Variants in MCC observed in about 807,000 individuals in gnomAD.
MCC encodes colorectal mutant cancer protein.
MCC carries 90 observed loss-of-function variants against 116.2 expected under a neutral mutation model. That is an observed-to-expected ratio of 0.77 (90% confidence interval 0.65 to 0.92). The LOEUF (loss-of-function observed/expected upper bound fraction) is 0.92. Ranked by LOEUF, MCC falls within the 40% of genes least tolerant of loss-of-function variation. MCC has a pLI of 0.00. For synonymous variants in MCC, 578 were observed against 510.5 expected, an observed-to-expected ratio of 1.13 and a Z score of -1.78; for missense variants, 1,516 against 1,312.2, an observed-to-expected ratio of 1.16 and a Z score of -2.40.
chr5:113,308,738 G>T (rs1043698615), intron 3 of MCC, among the ~76,000 whole-genome samples: 2 of 151,970 alleles, frequency 1.3e-5, no homozygotes, highest in African/African-American at 2.4e-5. Flanking sequence ...TTGAGTCCAA[G>T]GCCACCTTGA....
Position 113,101,845 on chromosome 5 carries a change from T to C in MCC, c.1292A>G (p.Glu431Gly), listed in dbSNP as rs1342164468. The C allele has an allele frequency of 6.2e-7, 1 of 1,613,698 alleles. No individual in the cohort carries two copies. Among genetic ancestry groups the C allele is most frequent in the Non-Finnish European group, 8.5e-7 (1 of 1,180,016 alleles). The change falls in exon 8 of 19, where the codon GAG (glutamate) becomes GGG (glycine). Residue 431 changes from glutamate (E) to glycine (G), a missense_variant. Glu to Gly is a moderately conservative substitution (Grantham distance 98, BLOSUM62 -2). Transcript: ENST00000408903. ...CAGCATGGCAGTCAGGCTCTCATTCTCTTCCCTCAGCCCAGCCAGCTCCTT... is the reference window on the plus strand; with the variant it reads ...CAGCATGGCAGTCAGGCTCTCATTCCCTTCCCTCAGCCCAGCCAGCTCCTT... ...WEKELAGLREENESLTAMLCS... is the reference protein window; with the variant it reads ...WEKELAGLREGNESLTAMLCS...
intron 3 of MCC, 23 bp from the exon 4 acceptor site, chr5:113,151,445 A>G (rs201217028): frequency 7.8e-7 from 1 of 1,283,760 alleles, no homozygotes; most frequent in East Asian, 2.3e-5. Context: ...AAAGGAGGAG[A>G]TTAGAGTATT....
chr5:113,415,972 G>T (rs1770132773), intron 1 of MCC, among the ~76,000 whole-genome samples: 1 of 152,138 alleles, frequency 6.6e-6, no homozygotes, highest in South Asian at 2.1e-4. Context: ...TGTCCTTTTT[G>T]TTGATGTTGA....
intron 16 of MCC, among the ~76,000 whole-genome samples, chr5:113,044,856 G>GCTGGTGATCACC (rs1751966247): frequency 6.6e-6 from 1 of 152,190 alleles, no homozygotes; most frequent in Non-Finnish European, 1.5e-5. Context: ...TCACAGGCGT[G>GCTGGTGATCACC]AGCCACCGCA....
At chr5:113,479,169 T>C (rs1325488434) in intron 1 of MCC, among the ~76,000 whole-genome samples, 1 of 152,224 alleles carries the variant, frequency 6.6e-6, no homozygotes, top group Non-Finnish European at 1.5e-5. Context: ...TATGTAAAAG[T>C]ATGCATGAAT....
chr5:113,294,875 A>AGAGG, intron 3 of MCC: 1 of 985,926 alleles, frequency 1.0e-6, no homozygotes, highest in Non-Finnish European at 1.2e-6. Context: ...AAAGAAAGCT[A>AGAGG]GAGGGAGCCG....
Position 113,122,675 on chromosome 5 carries a change from C to G in MCC, c.1027+9G>C. 1 of 1,613,490 alleles carries G rather than the reference C, an allele frequency of 6.2e-7. No individual in the cohort carries two copies. Among genetic ancestry groups the G allele is most frequent in the East Asian group, 2.2e-5 (1 of 44,870 alleles). On this transcript the variant is annotated intron_variant, in intron 6 of 18. Coordinates refer to ENST00000408903, the MANE Select transcript of MCC (RefSeq NM_001085377.2). ...ACTCTGGCTTGGTGGCAAGGGCAGGCAGACTCACCCATGTCAGCAGTAACC... is the reference window on the plus strand; with the variant it reads ...ACTCTGGCTTGGTGGCAAGGGCAGGGAGACTCACCCATGTCAGCAGTAACC...
intron 5 of MCC, 79 bp downstream of exon 5, chr5:113,143,139 A>G (rs113655241): frequency 6.8e-7 from 1 of 1,464,370 alleles, no homozygotes; most frequent in Non-Finnish European, 9.1e-7. Context: ...CTTGGAGTTA[A>G]AATAGTTGGG....
rs144428565 is a variant in MCC at position 113,231,711 on chromosome 5, G to C, written c.628-80289C>G. ...CAAGTCATGTCTCTAAGATAGTCGT[G>C]ATTACCAATTTGCCAATGTGTCTGA... On this transcript the variant is annotated intron_variant, in intron 3 of 18. Coordinates refer to ENST00000408903, the MANE Select transcript of MCC (RefSeq NM_001085377.2). Among the ~76,000 whole-genome samples the C allele has an allele frequency of 5.7e-3, 865 of 152,282 alleles. 8 individuals are homozygous for C. Among genetic ancestry groups the C allele is most frequent in the African/African-American group, 0.02 (829 of 41,550 alleles).
chr5:113,426,561 A>T (rs1463181873), intron 1 of MCC, among the ~76,000 whole-genome samples: 2 of 152,186 alleles, frequency 1.3e-5, no homozygotes, highest in Non-Finnish European at 2.9e-5. Context: ...TGCCCGAAAC[A>T]TGGTACCTGG....
chr5:113,181,658 G>C (rs763178330), intron 3 of MCC, among the ~76,000 whole-genome samples: 2 of 152,230 alleles, frequency 1.3e-5, no homozygotes, highest in Non-Finnish European at 2.9e-5. Flanking sequence ...TCCCCAGAGA[G>C]GAATAAGCGA....
chr5:113,360,632 A>C (rs1017826410), intron 2 of MCC, among the ~76,000 whole-genome samples: 2 of 152,316 alleles, frequency 1.3e-5, no homozygotes, highest in Admixed American at 1.3e-4. Flanking sequence ...TTCAGACTTT[A>C]TACTCCTTAA....
chr5:113,357,626 T>C (rs527834884), intron 2 of MCC, among the ~76,000 whole-genome samples: 1 of 152,064 alleles, frequency 6.6e-6, no homozygotes, highest in Admixed American at 6.5e-5. Context: ...ATCTCAGGAG[T>C]TGGGGCAAGT....
At chr5:113,110,065 C>A (rs1024283551) in intron 6 of MCC, among the ~76,000 whole-genome samples, 3 of 152,166 alleles carry the variant, frequency 2.0e-5, no homozygotes, top group African/African-American at 7.2e-5. Context: ...TCAATCCGCC[C>A]ACCTCAGCTC....
intron 3 of MCC, among the ~76,000 whole-genome samples, chr5:113,163,978 T>C (rs1760639484): frequency 6.6e-6 from 1 of 152,254 alleles, no homozygotes; most frequent in Non-Finnish European, 1.5e-5. Context: ...GTATTTTTTC[T>C]ATAATAAACA....
intron 3 of MCC, among the ~76,000 whole-genome samples, chr5:113,283,151 G>A (rs1766114812): frequency 6.6e-6 from 1 of 152,236 alleles, no homozygotes; most frequent in South Asian, 2.1e-4. Context: ...ATTTTCTGTG[G>A]AGAGGCTATT....
chr5:113,196,166 T>C (rs1762394467), intron 3 of MCC, among the ~76,000 whole-genome samples: 1 of 152,212 alleles, frequency 6.6e-6, no homozygotes, highest in Admixed American at 6.5e-5. Context: ...TGAGATACCG[T>C]AAGTAATGGG....
chr5:113,387,150 T>C (rs1769280424), intron 1 of MCC, among the ~76,000 whole-genome samples: 1 of 152,096 alleles, frequency 6.6e-6, no homozygotes, highest in Non-Finnish European at 1.5e-5. Context: ...CTAGCCTGGG[T>C]CTCAAAACAA....
At chr5:113,168,803 C>A (rs1245484584) in intron 3 of MCC, among the ~76,000 whole-genome samples, 1 of 151,952 alleles carries the variant, frequency 6.6e-6, no homozygotes, top group Admixed American at 6.6e-5. Flanking sequence ...GGGGCAGGGG[C>A]AACAGACTAG....
Sources: allele counts gnomAD v4.1 joint callset (sites outside exome capture counted in the v4.1 genomes callset), GRCh38; gene constraint gnomAD v4.1.1; transcripts MANE v1.5; gene names NCBI Gene and HGNC (gene_info 2026-07-23, HGNC 2026-07-21).